The following PLCB1 variants were observed in gnomAD, a reference collection of about 807,000 sequenced individuals.
The protein encoded by PLCB1 is phospholipase C beta 1, also known as 1-phosphatidylinositol 4,5-bisphosphate phosphodiesterase beta-1.
A neutral mutation model predicts 161.8 loss-of-function variants in PLCB1; 46 were observed. The observed-to-expected ratio is 0.28, with a 90% CI of 0.22 to 0.36. PLCB1 has a LOEUF of 0.36. Among genes scored for constraint, PLCB1 ranks in the 10% least tolerant of loss-of-function variants. The pLI is 1.00. For missense variants in PLCB1, 1,016 were observed against 1,472.5 expected (o/e 0.69, Z 5.07); for synonymous variants, 517 against 503.7 (o/e 1.03, Z -0.35).
At chr20:8,712,294 CA>C in intron 12 of PLCB1, among the ~76,000 whole-genome samples, 1 of 151,612 alleles carries the variant, frequency 6.6e-6, no homozygotes, top group East Asian at 1.9e-4. Context: ...GACTTTGTCT[CA>C]AAAAAACTAA....
chr20:8,749,436 G>T (rs149790172), intron 23 of PLCB1, among the ~76,000 whole-genome samples: 360 of 152,228 alleles, frequency 2.4e-3, no homozygotes, highest in African/African-American at 8.2e-3. Context: ...AATTTGTCCC[G>T]CAAGTGATTG....
chr20:8,820,483 G>A lies in PLCB1; in HGVS notation c.3423+30222G>A, dbSNP rs552716971. On this transcript the variant is annotated intron_variant, in intron 31 of 31. Coordinates refer to ENST00000338037, the MANE Select transcript of PLCB1 (RefSeq NM_015192.4). ...AATTTTTTAAGTCTAACAATATCAA[G>A]TGATTTGCAAGGATATGGTGCATCT... 4.7e-4 allele frequency among the ~76,000 whole-genome samples: 72 copies of A among 152,248 alleles called. 1 individual carries two copies. The highest frequency in any genetic ancestry group is 1.4e-3 in the African/African-American group (58 of 41,540).
intron 3 of PLCB1, among the ~76,000 whole-genome samples, chr20:8,554,970 AAAAAT>A (rs933656223): frequency 7.2e-5 from 11 of 152,160 alleles, no homozygotes; most frequent in Admixed American, 1.3e-4. Flanking sequence ...TTAGAAACTT[AAAAAT>A]AAAATAAAAT....
rs190084742 is a variant in PLCB1, at chr20:8,145,866, C to T, written c.100-4428C>T. Among the ~76,000 whole-genome samples the T allele has an allele frequency of 1.5e-3, 223 of 152,272 alleles. 1 individual carries two copies. The highest frequency in any genetic ancestry group is 3.5e-3 in the African/African-American group (147 of 41,564). On this transcript the variant is annotated intron_variant, in intron 1 of 31. Coordinates refer to ENST00000338037, the MANE Select transcript of PLCB1 (RefSeq NM_015192.4). ...TTGACATGTAATCAATGTCAGAAAT[C>T]ATTAGTGAGCTATTTTCTATTCCTG...
chr20:8,595,321 A>T (rs537503723), intron 3 of PLCB1, among the ~76,000 whole-genome samples: 2 of 143,398 alleles, frequency 1.4e-5, no homozygotes, highest in Non-Finnish European at 3.0e-5. Flanking sequence ...TCATTGTTCA[A>T]TTCCCACCTA....
intron 3 of PLCB1, among the ~76,000 whole-genome samples, chr20:8,385,431 C>T (rs1600363476): frequency 6.6e-6 from 1 of 152,228 alleles, no homozygotes; most frequent in African/African-American, 2.4e-5. Flanking sequence ...TGTCCTTCCC[C>T]ACCCAGGGAG....
At chr20:8,454,439 C>T (rs953566081) in intron 3 of PLCB1, among the ~76,000 whole-genome samples, 1 of 152,144 alleles carries the variant, frequency 6.6e-6, no homozygotes, top group African/African-American at 2.4e-5. Flanking sequence ...GACTCTGGGC[C>T]AGAGACCATG....
intron 2 of PLCB1, among the ~76,000 whole-genome samples, chr20:8,159,110 C>G (rs549413732): frequency 2.2e-4 from 33 of 152,162 alleles, no homozygotes. Context: ...CTGCCCTAGC[C>G]GAGACTCTCC....
At chr20:8,611,435 A>G (rs903357109) in intron 3 of PLCB1, among the ~76,000 whole-genome samples, 1 of 152,170 alleles carries the variant, frequency 6.6e-6, no homozygotes, top group Non-Finnish European at 1.5e-5. Context: ...GCTTCACTAT[A>G]GTCAGTTCAT....
chr20:8,159,665 C>T (rs936300759), intron 2 of PLCB1, among the ~76,000 whole-genome samples: 2 of 152,050 alleles, frequency 1.3e-5, no homozygotes, highest in African/African-American at 4.8e-5. Context: ...GTACCCAAGC[C>T]ACCTCTTGAA....
At chr20:8,238,929 G>A (rs1980466255) in intron 2 of PLCB1, among the ~76,000 whole-genome samples, 1 of 151,762 alleles carries the variant, frequency 6.6e-6, no homozygotes, top group Non-Finnish European at 1.5e-5. Context: ...GGAAGACTAT[G>A]GACTTAAGAG....
At chr20:8,368,967 G>A (rs1986815697) in intron 2 of PLCB1, among the ~76,000 whole-genome samples, 1 of 151,324 alleles carries the variant, frequency 6.6e-6, no homozygotes, top group Non-Finnish European at 1.5e-5. Flanking sequence ...ATGTCTGTAG[G>A]GCACTTTGAA....
intron 9 of PLCB1, among the ~76,000 whole-genome samples, chr20:8,672,731 G>A (rs969226836): frequency 6.6e-6 from 1 of 152,124 alleles, no homozygotes; most frequent in East Asian, 1.9e-4. Context: ...AAAGTGTAAT[G>A]AGAGAATTAC....
intron 2 of PLCB1, among the ~76,000 whole-genome samples, chr20:8,226,255 C>T (rs564588564): frequency 6.6e-6 from 1 of 152,160 alleles, no homozygotes; most frequent in Non-Finnish European, 1.5e-5. Flanking sequence ...TCCACTAATC[C>T]TACAGCTTCC....
chr20:8,576,164 A>G (rs2123064520), intron 3 of PLCB1, among the ~76,000 whole-genome samples: 1 of 152,314 alleles, frequency 6.6e-6, no homozygotes, highest in Admixed American at 6.5e-5. Context: ...CCTTCTAATA[A>G]TTGGTGGGTA....
chr20:8,354,803 G>C (rs1418260147), intron 2 of PLCB1, among the ~76,000 whole-genome samples: 1 of 152,170 alleles, frequency 6.6e-6, no homozygotes. Context: ...TCACTACAGA[G>C]CTAACATTTG....
chr20:8,251,663 G>A (rs1264743854), intron 2 of PLCB1, among the ~76,000 whole-genome samples: 1 of 151,862 alleles, frequency 6.6e-6, no homozygotes, highest in Non-Finnish European at 1.5e-5. Flanking sequence ...TTATTAGAAG[G>A]GCATGTGCCC....
chr20:8,686,022 A>C (rs1175382040), intron 10 of PLCB1, among the ~76,000 whole-genome samples: 11 of 152,194 alleles, frequency 7.2e-5, no homozygotes, highest in Non-Finnish European at 1.3e-4. Flanking sequence ...ATAAAATGTT[A>C]TGATATATAA....
chr20:8,460,752 C>CT (rs895871669), intron 3 of PLCB1, among the ~76,000 whole-genome samples: 5 of 152,120 alleles, frequency 3.3e-5, no homozygotes, highest in African/African-American at 1.2e-4. Flanking sequence ...GCCCTTAAAG[C>CT]TTTTTTCTAA....
Sources: allele counts gnomAD v4.1 joint callset (sites outside exome capture counted in the v4.1 genomes callset), GRCh38; gene constraint gnomAD v4.1.1; transcripts MANE v1.5; gene names NCBI Gene and HGNC (gene_info 2026-07-23, HGNC 2026-07-21).